The following IGF2BP2 variants were observed in gnomAD, a reference collection of about 807,000 sequenced individuals.
IGF2BP2 encodes insulin like growth factor 2 mRNA binding protein 2.
Under a neutral mutation model 75.8 loss-of-function variants are expected in IGF2BP2, and 17 were observed. The observed-to-expected ratio is 0.22, with a 90% CI of 0.15 to 0.34. The LOEUF (loss-of-function observed/expected upper bound fraction) is 0.34. Among genes scored for constraint, IGF2BP2 ranks in the 10% least tolerant of loss-of-function variants. The probability of loss-of-function intolerance (pLI) is 1.00; values close to 1 mark genes in which losing one functional copy is unlikely to be tolerated. For missense variants in IGF2BP2, 516 were observed against 772.4 expected, an observed-to-expected ratio of 0.67 and a Z score of 3.93; for synonymous variants, 288 against 295.6, an observed-to-expected ratio of 0.97 and a Z score of 0.26.
chr3:185,816,577 A>G (rs1245788406), intron 2 of IGF2BP2, among the ~76,000 whole-genome samples: 1 of 152,146 alleles, frequency 6.6e-6, no homozygotes, highest in Non-Finnish European at 1.5e-5. Context: ...GTGGAGCGAG[A>G]CTCAGGGACC....
chr3:185,750,252 C>T (rs762805664), intron 2 of IGF2BP2, among the ~76,000 whole-genome samples: 1 of 152,196 alleles, frequency 6.6e-6, no homozygotes, highest in Non-Finnish European at 1.5e-5. Flanking sequence ...CCCTCCAAGG[C>T]ACTGGAAAGC....
At chr3:185,793,708 T>A (rs1736943341) in intron 2 of IGF2BP2, among the ~76,000 whole-genome samples, 1 of 152,166 alleles carries the variant, frequency 6.6e-6, no homozygotes, top group South Asian at 2.1e-4. Context: ...CCTGAGGCAG[T>A]AAGAAACTGA....
chr3:185,717,981 A>G (rs1447558734), intron 2 of IGF2BP2: 1 of 152,258 alleles, frequency 6.6e-6, no homozygotes, highest in Non-Finnish European at 1.5e-5. Context: ...CATGTCCCAG[A>G]CATGATCTCT....
chr3:185,791,237 T>C (rs1736604303), intron 2 of IGF2BP2, among the ~76,000 whole-genome samples: 1 of 152,202 alleles, frequency 6.6e-6, no homozygotes, highest in Admixed American at 6.5e-5. Context: ...AATAAGTACA[T>C]AAAAAGATCA....
chr3:185,688,250 G>A (rs1216900261), intron 6 of IGF2BP2, among the ~76,000 whole-genome samples: 1 of 152,184 alleles, frequency 6.6e-6, no homozygotes, highest in Admixed American at 6.5e-5. Flanking sequence ...TGGGTGCTTT[G>A]CAATTTAAGT....
chr3:185,767,109 C>A (rs532077345), intron 2 of IGF2BP2, among the ~76,000 whole-genome samples: 6 of 152,166 alleles, frequency 3.9e-5, no homozygotes, highest in African/African-American at 1.4e-4. Context: ...CTGGCAGAGG[C>A]AGTTGTGGGA....
intron 10 of IGF2BP2, among the ~76,000 whole-genome samples, chr3:185,663,155 G>A (rs1716745125): frequency 6.6e-6 from 1 of 152,256 alleles, no homozygotes; most frequent in Non-Finnish European, 1.5e-5. Context: ...GAGGGATAGG[G>A]AGGTTGGTAG....
In IGF2BP2 at chr3:185,672,550, G is replaced by A. The variant is rs2149216470; in HGVS notation, c.1191C>T (p.His397=). 1 of 1,612,406 alleles carries A rather than the reference G, an allele frequency of 6.2e-7. No individual in the cohort carries two copies. The highest frequency in any genetic ancestry group is 1.3e-5 in the African/African-American group (1 of 75,014). ...PRGAPPAAPY[H]PFTTHSGYFS... Reference sequence around the variant, plus strand: ...AAGCTGAGCTACTTACAGTGAAGGGGTGGTAGGGGGCAGCGGGGGGAGCTC... The same window carrying A: ...AAGCTGAGCTACTTACAGTGAAGGGATGGTAGGGGGCAGCGGGGGGAGCTC... Residue 397 remains histidine (H), a synonymous_variant, in exon 10 of 16, where the codon CAC becomes CAT. Transcript: ENST00000382199.
intron 2 of IGF2BP2, among the ~76,000 whole-genome samples, chr3:185,731,358 C>T (rs1227654644): frequency 6.6e-6 from 1 of 151,666 alleles, no homozygotes; most frequent in Non-Finnish European, 1.5e-5. Context: ...GTGATTCTCC[C>T]GCCTCAGCCT....
Position 185,665,440 on chromosome 3 carries a change from AAGGAGG to A in IGF2BP2, c.1201-7037_1201-7032del, listed in dbSNP as rs1157799705. 7.2e-5 allele frequency among the ~76,000 whole-genome samples: 4 copies of A among 55,486 alleles called. No individual in the cohort carries two copies. In the Admixed American group the frequency reaches 7.8e-4, roughly 11 times the overall value. The allele number at this position is 55,486 out of a possible 152,430, so 36.4% of individuals were successfully genotyped here. ...GGAGAAGGAGAAGGAGGAGGAGGAGAAGGAGGAGGAGGAGGAGAAGAAGAAGAAGAA... is the reference window on the plus strand; with the variant it reads ...GGAGAAGGAGAAGGAGGAGGAGGAGAAGGAGGAGGAGAAGAAGAAGAAGAA... On this transcript the variant is annotated intron_variant, in intron 10 of 15. Coordinates refer to ENST00000382199, the MANE Select transcript of IGF2BP2 (RefSeq NM_006548.6).
Position 185,781,879 on chromosome 3 carries a change from A to G in IGF2BP2, c.239+41274T>C, listed in dbSNP as rs888700115. Among the ~76,000 whole-genome samples the G allele has an allele frequency of 1.6e-4, 25 of 152,234 alleles. 1 individual carries two copies. Among genetic ancestry groups the G allele is most frequent in the African/African-American group, 5.8e-4 (24 of 41,538 alleles). ...GTTTGAAGCATCAAAGGCTCTTTGAATAGTTCTAACCAGGGCTGCATTTGT... is the reference window on the plus strand; with the variant it reads ...GTTTGAAGCATCAAAGGCTCTTTGAGTAGTTCTAACCAGGGCTGCATTTGT... On this transcript the variant is annotated intron_variant, in intron 2 of 15. Coordinates refer to ENST00000382199, the MANE Select transcript of IGF2BP2 (RefSeq NM_006548.6).
At chr3:185,796,819 A>G (rs541230538) in intron 2 of IGF2BP2, among the ~76,000 whole-genome samples, 2 of 152,320 alleles carry the variant, frequency 1.3e-5, no homozygotes, top group South Asian at 4.1e-4. Flanking sequence ...CACTGGGCTC[A>G]GTATCAACAG....
At chr3:185,772,861 C>T (rs755051606) in intron 2 of IGF2BP2, among the ~76,000 whole-genome samples, 16 of 152,152 alleles carry the variant, frequency 1.1e-4, no homozygotes, top group Non-Finnish European at 1.9e-4. Flanking sequence ...GGATTACAGG[C>T]GTGAGCCACC....
chr3:185,705,227 G>C (rs1035954137), intron 2 of IGF2BP2, among the ~76,000 whole-genome samples: 10 of 152,220 alleles, frequency 6.6e-5, no homozygotes, highest in Admixed American at 3.3e-4. Flanking sequence ...CTCCTGAGTA[G>C]CTGGGACTAC....
At chr3:185,693,913 C>T (rs1304707410) in intron 4 of IGF2BP2, among the ~76,000 whole-genome samples, 1 of 152,070 alleles carries the variant, frequency 6.6e-6, no homozygotes, top group Non-Finnish European at 1.5e-5. Context: ...TTCTATAAAC[C>T]CCTCCAAAAT....
intron 2 of IGF2BP2, chr3:185,722,249 C>T (rs1249706905): frequency 2.2e-6 from 1 of 456,224 alleles, no homozygotes; most frequent in South Asian, 1.5e-5. Flanking sequence ...TGTTTATCCC[C>T]ATTCCATAGG....
intron 10 of IGF2BP2, among the ~76,000 whole-genome samples, chr3:185,665,812 GA>G (rs951854514): frequency 1.3e-5 from 2 of 152,048 alleles, no homozygotes; most frequent in African/African-American, 4.8e-5. Flanking sequence ...ACCAAAAATA[GA>G]AAAATTAGCC....
chr3:185,810,216 T>TTTTTG (rs964174856), intron 2 of IGF2BP2, among the ~76,000 whole-genome samples: 20 of 152,332 alleles, frequency 1.3e-4, no homozygotes, highest in East Asian at 5.8e-4. Flanking sequence ...AGTCTGAGGC[T>TTTTTG]TTTTGTTTTG....
chr3:185,793,336 C>T (rs1736892218), intron 2 of IGF2BP2, among the ~76,000 whole-genome samples: 1 of 152,084 alleles, frequency 6.6e-6, no homozygotes, highest in South Asian at 2.1e-4. Context: ...AATAAGGCTG[C>T]CACACAGGGA....
Sources: allele counts gnomAD v4.1 joint callset (sites outside exome capture counted in the v4.1 genomes callset), GRCh38; gene constraint gnomAD v4.1.1; transcripts MANE v1.5; gene names NCBI Gene and HGNC (gene_info 2026-07-23, HGNC 2026-07-21).